The following PRPF6 variants were observed in gnomAD, a reference collection of about 807,000 sequenced individuals.
PRPF6 encodes the protein pre-mRNA processing factor 6.
In PRPF6, 42 loss-of-function variants were observed where a neutral mutation model predicts 118.3. That is an observed-to-expected ratio of 0.35 (90% CI 0.28 to 0.46). The LOEUF is 0.46. Among genes scored for constraint, PRPF6 ranks in the 20% least tolerant of loss-of-function variants. The probability of loss-of-function intolerance (pLI) is 1.00; values close to 1 mark genes in which losing one functional copy is unlikely to be tolerated. For synonymous variants in PRPF6, 481 were observed against 485.1 expected (o/e 0.99, Z 0.11); for missense variants, 662 against 1,255.7 (o/e 0.53, Z 7.15).
Position 64,029,670 on chromosome 20 carries a change from A to G in PRPF6, c.2546+179A>G, listed in dbSNP as rs1183002240. ...GGCAGGCGCCTCTCCTGGCAGACAC[A>G]CCTGAGGGTGCCGTGGTCAGAGACT... On this transcript the variant is annotated intron_variant, in intron 19 of 20. Transcript: ENST00000266079. The surrounding 1 kb of genome is among the most constrained non-coding windows in gnomAD (Gnocchi z 4.8). 6.6e-6 allele frequency among the ~76,000 whole-genome samples: 1 copy of G among 152,200 alleles called. No individual in the cohort carries two copies. The highest frequency in any genetic ancestry group is 1.5e-5 in the Non-Finnish European group (1 of 68,036).
intron 2 of PRPF6, among the ~76,000 whole-genome samples, chr20:63,983,455 T>C (rs1093458): frequency 0.026 from 3,474 of 135,854 alleles, 125 homozygotes; most frequent in Middle Eastern, 0.062. Context: ...CTTGGCATTT[T>C]CTATTGCCCA....
At chr20:64,008,179 C>T (rs2059199090) in intron 9 of PRPF6, among the ~76,000 whole-genome samples, 1 of 152,216 alleles carries the variant, frequency 6.6e-6, no homozygotes, top group Non-Finnish European at 1.5e-5. Context: ...TAACCACATG[C>T]ACACATGGTT....
At chr20:63,981,642 C>CT (rs1444501419) in intron 1 of PRPF6, among the ~76,000 whole-genome samples, 4 of 130,680 alleles carry the variant, frequency 3.1e-5, no homozygotes, top group African/African-American at 8.4e-5. Context: ...CGGGCTGACA[C>CT]TCCCCCCCCC....
At chr20:64,009,279 CAAA>C (rs59045216) in intron 9 of PRPF6, among the ~76,000 whole-genome samples, 22 of 38,230 alleles carry the variant, frequency 5.8e-4, no homozygotes, top group African/African-American at 1.7e-3. Flanking sequence ...GACTCCATCG[CAAA>C]AAAAAAAAAA....
At chr20:64,000,570 AT>A (rs773832856) in intron 8 of PRPF6, among the ~76,000 whole-genome samples, 75 of 141,604 alleles carry the variant, frequency 5.3e-4, no homozygotes, top group Admixed American at 9.9e-4. Flanking sequence ...GTGGTGTTTC[AT>A]TTTTTTTTTT....
At chr20:63,992,773 G>A (rs1214855257) in intron 3 of PRPF6, among the ~76,000 whole-genome samples, 2 of 150,342 alleles carry the variant, frequency 1.3e-5, no homozygotes, top group African/African-American at 2.4e-5. Flanking sequence ...TCTCTGTGTT[G>A]CCCAGGCTGG....
chr20:64,019,834 G>A (rs3795164), intron 12 of PRPF6, among the ~76,000 whole-genome samples: 1,988 of 152,312 alleles, frequency 0.013, 104 homozygotes, highest in East Asian at 0.13. Context: ...GAGGCATCAG[G>A]TCTGAGTGAA....
chr20:64,021,337 G>A (rs866312221), intron 12 of PRPF6, among the ~76,000 whole-genome samples: 4 of 139,398 alleles, frequency 2.9e-5, no homozygotes, highest in African/African-American at 8.2e-5. Context: ...AGCCACAGCC[G>A]TGTGTCTGTG....
chr20:63,985,153 C>T (rs914073330), intron 3 of PRPF6, 128 bp downstream of exon 3: 1 of 727,116 alleles, frequency 1.4e-6, no homozygotes, highest in African/African-American at 1.8e-5. Flanking sequence ...AGCTAGAGCC[C>T]AGGGGTTTGA....
intron 3 of PRPF6, among the ~76,000 whole-genome samples, chr20:63,986,811 A>G (rs2059096084): frequency 6.6e-6 from 1 of 151,730 alleles, no homozygotes; most frequent in Admixed American, 6.6e-5. Flanking sequence ...TGATTCTGAA[A>G]ATGCATTTGA....
At chr20:63,996,885 C>T (rs555719139) in intron 6 of PRPF6, among the ~76,000 whole-genome samples, 16 of 152,098 alleles carry the variant, frequency 1.1e-4, no homozygotes, top group African/African-American at 3.4e-4. Flanking sequence ...GCTATGATCG[C>T]GCCTCTGCAC....
chr20:64,021,924 C>T (rs1182977182), intron 12 of PRPF6, among the ~76,000 whole-genome samples: 3 of 149,882 alleles, frequency 2.0e-5, no homozygotes, highest in Non-Finnish European at 4.4e-5. Context: ...GCATATGCCT[C>T]AGCCACAGCC....
chr20:64,001,788 A>G (rs1226710231), intron 9 of PRPF6, among the ~76,000 whole-genome samples: 1 of 152,156 alleles, frequency 6.6e-6, no homozygotes, highest in African/African-American at 2.4e-5. Context: ...CTACCAGGCA[A>G]CCTGATTCCA....
At chr20:63,999,916 T>A (rs893495713) in intron 8 of PRPF6, among the ~76,000 whole-genome samples, 157 bp downstream of exon 8, 1 of 151,698 alleles carries the variant, frequency 6.6e-6, no homozygotes, top group African/African-American at 2.4e-5. Flanking sequence ...AAGGGCTTTT[T>A]CCTGCTTGTT....
At chr20:64,017,568 C>T (rs955950062) in intron 12 of PRPF6, among the ~76,000 whole-genome samples, 1 of 149,618 alleles carries the variant, frequency 6.7e-6, no homozygotes, top group African/African-American at 2.5e-5. Flanking sequence ...GTGCTGGGAT[C>T]ACAGGCGTGA....
In PRPF6 at chr20:64,022,753, C is replaced by G; in HGVS notation, c.1648-4C>G. The G allele has an allele frequency of 6.2e-7, 1 of 1,614,078 alleles. No homozygotes were observed. Among genetic ancestry groups the G allele is most frequent in the Non-Finnish European group, 8.5e-7 (1 of 1,180,004 alleles). ...GCCCATTCTCATGTCTCTCTCTGCT[C>G]TAGTGTGTAGCCCACAATGCCCTGG... On this transcript the variant is annotated splice_polypyrimidine_tract_variant and splice_region_variant and intron_variant, in intron 12 of 20. Transcript: ENST00000266079.
chr20:64,003,845 G>A (rs141409931), intron 9 of PRPF6, among the ~76,000 whole-genome samples: 62 of 152,140 alleles, frequency 4.1e-4, no homozygotes, highest in African/African-American at 1.5e-3. Flanking sequence ...TGATCCACCC[G>A]CCTCGGCCTC....
At chr20:63,985,288 G>C (rs1246790029) in intron 3 of PRPF6, among the ~76,000 whole-genome samples, 1 of 151,836 alleles carries the variant, frequency 6.6e-6, no homozygotes, top group African/African-American at 2.4e-5. Flanking sequence ...AAGCCCAGGA[G>C]GTAGAAACTG....
rs1045958466 is a variant in PRPF6, at chr20:64,027,228, G to A, written c.2205+70G>A. Reference sequence around the variant, plus strand: ...CACAAAACTGAGCCCCCTGGTGCAGGGTCATTGCCCTTCGCCTCTGAGGAG... The same window carrying A: ...CACAAAACTGAGCCCCCTGGTGCAGAGTCATTGCCCTTCGCCTCTGAGGAG... On this transcript the variant is annotated intron_variant, in intron 16 of 20. Coordinates refer to ENST00000266079, the MANE Select transcript of PRPF6 (RefSeq NM_012469.4). This position sits in a 1 kb window ranked among gnomAD's most constrained non-coding sequence, Gnocchi z 6.5. 1.8e-5 allele frequency: 28 copies of A among 1,579,034 alleles called. No individual in the cohort carries two copies. The highest frequency in any genetic ancestry group is 2.4e-5 in the Non-Finnish European group (28 of 1,156,610).
Sources: allele counts gnomAD v4.1 joint callset (sites outside exome capture counted in the v4.1 genomes callset), GRCh38; gene constraint gnomAD v4.1.1; non-coding constraint Gnocchi (gnomAD v3.1); transcripts MANE v1.5; gene names NCBI Gene and HGNC (gene_info 2026-07-23, HGNC 2026-07-21).